The following COP1 variants were observed in gnomAD, a reference collection of about 807,000 sequenced individuals.
COP1 encodes COP1 E3 ubiquitin ligase.
Under a neutral mutation model 101.3 loss-of-function variants are expected in COP1, and 24 were observed. The observed-to-expected ratio is 0.24, with a 90% CI of 0.17 to 0.33. The LOEUF (loss-of-function observed/expected upper bound fraction) is 0.33. COP1 is among the 10% of genes least tolerant of loss of function. The pLI, the probability that COP1 is intolerant of heterozygous loss-of-function variation, is 1.00. For missense variants in COP1, 663 were observed against 906.2 expected, an observed-to-expected ratio of 0.73 and a Z score of 3.45; for synonymous variants, 347 against 341.9, an observed-to-expected ratio of 1.01 and a Z score of -0.17.
At chr1:176,044,382 T>C (rs144622399) in intron 12 of COP1, among the ~76,000 whole-genome samples, 2 of 152,332 alleles carry the variant, frequency 1.3e-5, no homozygotes, top group South Asian at 2.1e-4. Flanking sequence ...ACTCCAGAAG[T>C]CTACAACATC....
chr1:176,182,715 T>C (rs1697952633), intron 2 of COP1, among the ~76,000 whole-genome samples: 1 of 152,216 alleles, frequency 6.6e-6, no homozygotes. Flanking sequence ...AAGAGAACAC[T>C]ACTGCCGAAC....
intron 15 of COP1, among the ~76,000 whole-genome samples, chr1:176,016,961 CTT>C (rs1406837836): frequency 6.6e-6 from 1 of 152,086 alleles, no homozygotes; most frequent in Non-Finnish European, 1.5e-5. Flanking sequence ...TGCACTAACT[CTT>C]TATTTCTGTA....
intron 18 of COP1, among the ~76,000 whole-genome samples, chr1:175,976,249 T>C (rs911005055): frequency 6.9e-6 from 1 of 145,860 alleles, no homozygotes; most frequent in East Asian, 2.1e-4. Flanking sequence ...CCCATATAAG[T>C]CTCTATATCA....
chr1:176,135,363 G>C (rs919948845), intron 7 of COP1, among the ~76,000 whole-genome samples: 1 of 151,934 alleles, frequency 6.6e-6, no homozygotes, highest in Non-Finnish European at 1.5e-5. Context: ...TGCAAAAAAA[G>C]ATAAATGTAA....
chr1:176,202,177 C>G (rs1700326495), intron 1 of COP1, among the ~76,000 whole-genome samples: 1 of 142,378 alleles, frequency 7.0e-6, no homozygotes, highest in African/African-American at 2.6e-5. Context: ...ATGATACGTT[C>G]TAGTTCACTT....
intron 18 of COP1, among the ~76,000 whole-genome samples, chr1:175,973,228 A>G (rs1226784919): frequency 6.6e-6 from 1 of 152,210 alleles, no homozygotes; most frequent in Admixed American, 6.5e-5. Context: ...GAATTACACA[A>G]ATGTCTCATG....
At chr1:176,045,403 T>A (rs913163990) in intron 12 of COP1, among the ~76,000 whole-genome samples, 1 of 152,126 alleles carries the variant, frequency 6.6e-6, no homozygotes, top group Non-Finnish European at 1.5e-5. Flanking sequence ...AAATAAATTA[T>A]ACAAAGACTG....
chr1:176,168,746 A>G, intron 3 of COP1: 1 of 309,132 alleles, frequency 3.2e-6, no homozygotes, highest in African/African-American at 2.2e-5. Context: ...CAGAGTATGC[A>G]CACTGGAGGG....
At chr1:176,106,448 A>G (rs930319553) in intron 9 of COP1, among the ~76,000 whole-genome samples, 1 of 135,234 alleles carries the variant, frequency 7.4e-6, no homozygotes, top group Non-Finnish European at 1.7e-5. Context: ...ATTATAGTTT[A>G]TAAGTTTATA....
Position 176,126,849 on chromosome 1 carries a change from T to C in COP1, c.968+8161A>G, listed in dbSNP as rs181562609. Reference sequence around the variant, plus strand: ...GTTCTTATCAAGAACCCAAGGATATTTTATAGAAATCCTGAAATGCCTACT... The same window carrying C: ...GTTCTTATCAAGAACCCAAGGATATCTTATAGAAATCCTGAAATGCCTACT... On this transcript the variant is annotated intron_variant, in intron 8 of 19. Coordinates refer to ENST00000367669, the MANE Select transcript of COP1 (RefSeq NM_022457.7). Among the ~76,000 whole-genome samples, 167 of 152,314 alleles carry C rather than the reference T, an allele frequency of 1.1e-3. 1 individual carries two copies. Among genetic ancestry groups the C allele is most frequent in the Non-Finnish European group, 6.8e-4 (46 of 68,018 alleles).
chr1:176,043,383 A>G, intron 13 of COP1, 116 bp from the exon 14 acceptor site: 1 of 635,910 alleles, frequency 1.6e-6, no homozygotes, highest in Non-Finnish European at 2.7e-6. Context: ...GAAAGACAAC[A>G]GGCTAGAAAA....
chr1:176,003,119 A>C (rs901790628), intron 15 of COP1, among the ~76,000 whole-genome samples: 1 of 151,892 alleles, frequency 6.6e-6, no homozygotes, highest in African/African-American at 2.4e-5. Flanking sequence ...GATGATGAGC[A>C]TTTTTTCATG....
intron 15 of COP1, among the ~76,000 whole-genome samples, chr1:176,008,551 G>T (rs144099421): frequency 1.5e-4 from 22 of 151,720 alleles, no homozygotes; most frequent in African/African-American, 5.1e-4. Context: ...TACCTTTTTT[G>T]AATATATTTG....
intron 9 of COP1, among the ~76,000 whole-genome samples, chr1:176,091,432 TAA>T (rs1239781416): frequency 1.3e-5 from 2 of 148,906 alleles, no homozygotes; most frequent in African/African-American, 2.5e-5. Context: ...AGACACAAAA[TAA>T]AAAAAGAGAG....
intron 3 of COP1, among the ~76,000 whole-genome samples, chr1:176,166,901 TAC>T (rs1695234537): frequency 6.6e-6 from 1 of 152,166 alleles, no homozygotes. Flanking sequence ...CACGCCACTG[TAC>T]TCCAGCCTGC....
intron 8 of COP1, chr1:176,133,726 A>C (rs572385936): frequency 1.1e-5 from 4 of 360,232 alleles, no homozygotes; most frequent in African/African-American, 6.4e-5. Context: ...AAAGATCTGG[A>C]AACAATATAT....
intron 11 of COP1, among the ~76,000 whole-genome samples, chr1:176,061,747 GATAGAAGAAAAT>G (rs1674886927): frequency 1.3e-5 from 2 of 152,144 alleles, no homozygotes; most frequent in African/African-American, 4.8e-5. Context: ...TTATTACAAT[GATAGAAGAAAAT>G]ATAGAAGAAA....
At chr1:175,997,903 A>G (rs866891346) in intron 15 of COP1, among the ~76,000 whole-genome samples, 2 of 152,232 alleles carry the variant, frequency 1.3e-5, no homozygotes, top group Non-Finnish European at 1.5e-5. Context: ...TACTGGGTAT[A>G]TACCCAAAGG....
At chr1:176,016,760 A>ATAAAACAAAG (rs1350792165) in intron 15 of COP1, among the ~76,000 whole-genome samples, 1 of 152,204 alleles carries the variant, frequency 6.6e-6, no homozygotes, top group African/African-American at 2.4e-5. Context: ...ATTACAGGTA[A>ATAAAACAAAG]GTATCAATCC....
Sources: allele counts gnomAD v4.1 joint callset (sites outside exome capture counted in the v4.1 genomes callset), GRCh38; gene constraint gnomAD v4.1.1; transcripts MANE v1.5; gene names NCBI Gene and HGNC (gene_info 2026-07-23, HGNC 2026-07-21).